C12orf54: variants seen among roughly 807,000 people sequenced by gnomAD.
The protein encoded by C12orf54 is chromosome 12 open reading frame 54.
Under a neutral mutation model 26.4 loss-of-function variants are expected in C12orf54, and 24 were observed. The ratio of observed to expected loss-of-function variants is 0.91; its 90% CI spans 0.66 to 1.28. The LOEUF (loss-of-function observed/expected upper bound fraction) is 1.28, where lower values mean the gene tolerates loss of function less well. Among genes scored for constraint, C12orf54 ranks in the 50% most tolerant of loss-of-function variants. C12orf54 has a pLI of 0.00. For missense variants in C12orf54, 154 were observed against 150.9 expected (o/e 1.02, Z -0.11); for synonymous variants, 54 against 47.0 (o/e 1.15, Z -0.61).
chr12:48,424,148 T>C, the C12orf54 span, among the ~76,000 whole-genome samples: 4 of 152,118 alleles, frequency 2.6e-5, no homozygotes, highest in South Asian at 2.1e-4. Context: ...TGAATTACAT[T>C]GTGTGATTTT....
At chr12:48,430,544 G>A in the C12orf54 span, among the ~76,000 whole-genome samples, 2 of 152,104 alleles carry the variant, frequency 1.3e-5, no homozygotes, top group African/African-American at 2.4e-5. Flanking sequence ...AAAAACATAT[G>A]AAAATAATGC....
At chr12:48,490,489 C>T (rs1937764057) in intron 5 of C12orf54, among the ~76,000 whole-genome samples, 1 of 152,096 alleles carries the variant, frequency 6.6e-6, no homozygotes, top group Admixed American at 6.5e-5. Flanking sequence ...CCCATCTCTA[C>T]TAAAAATGCA....
intron 7 of C12orf54, among the ~76,000 whole-genome samples, chr12:48,494,084 T>C (rs1937856432): frequency 9.3e-6 from 1 of 107,614 alleles, no homozygotes; most frequent in Admixed American, 1.1e-4. Context: ...CTGGGCGTGG[T>C]GGCAGGTGCC....
chr12:48,432,870 C>CA, the C12orf54 span, among the ~76,000 whole-genome samples: 51,927 of 114,992 alleles, frequency 0.45, 11,030 homozygotes, highest in Middle Eastern at 0.62. Flanking sequence ...ACTTTTTCTA[C>CA]AAAAAAAAAA....
upstream of C12orf54, among the ~76,000 whole-genome samples, chr12:48,481,494 T>A (rs144202385): frequency 1.2e-3 from 180 of 152,144 alleles, no homozygotes; most frequent in African/African-American, 4.0e-3. Context: ...GCAGAGAGGG[T>A]CCATGGTGGT....
chr12:48,461,684 G>C, the C12orf54 span, among the ~76,000 whole-genome samples: 1 of 151,706 alleles, frequency 6.6e-6, no homozygotes, highest in South Asian at 2.1e-4. Flanking sequence ...TTTTGAACTA[G>C]ATACAAATGG....
chr12:48,455,319 T>C, the C12orf54 span, among the ~76,000 whole-genome samples: 2 of 152,376 alleles, frequency 1.3e-5, no homozygotes, highest in East Asian at 3.9e-4. Flanking sequence ...GGTGTATATA[T>C]ACCACATTTT....
chr12:48,458,469 C>T, the C12orf54 span, among the ~76,000 whole-genome samples: 1 of 152,072 alleles, frequency 6.6e-6, no homozygotes, highest in Non-Finnish European at 1.5e-5. Flanking sequence ...TTTTAACAAC[C>T]ACCTCTCTGT....
chr12:48,483,337 A>C lies in C12orf54; in HGVS notation c.41A>C (p.Glu14Ala). The stretch of plus-strand genomic sequence containing the variant: ...TGCCAGGATCAGGAACAAAAGGTAG[A>C]AATGACCTCCAAGCAGCAGAGAAGG... ...HPCQDQEQKV[E>A]MTSKQQRSTS... The change falls in exon 2 of 9, where the codon GAA (glutamate) becomes GCA (alanine). Residue 14 changes from glutamate to alanine, a missense_variant. Physicochemically the swap from Glu to Ala is moderately radical, Grantham distance 107 (BLOSUM62 -1). Transcript: ENST00000548364. 1 of 1,613,978 alleles carries C rather than the reference A, an allele frequency of 6.2e-7. No individual in the cohort carries two copies. The highest frequency in any genetic ancestry group is 1.1e-5 in the South Asian group (1 of 91,070).
chr12:48,421,095 T>G, the C12orf54 span, among the ~76,000 whole-genome samples: 22 of 152,202 alleles, frequency 1.4e-4, no homozygotes, highest in Non-Finnish European at 2.9e-4. Context: ...TGTCTGTATG[T>G]CATATTAGTC....
the C12orf54 span, among the ~76,000 whole-genome samples, chr12:48,466,544 TAAA>T: frequency 1.4e-5 from 2 of 147,362 alleles, no homozygotes; most frequent in Admixed American, 6.8e-5. Context: ...AACTTTGCCT[TAAA>T]AAAAAAAAAA....
chr12:48,443,126 A>G, the C12orf54 span, among the ~76,000 whole-genome samples: 2 of 152,314 alleles, frequency 1.3e-5, no homozygotes, highest in South Asian at 2.1e-4. Context: ...ACCTGTGATC[A>G]TCTTTTCTGC....
the C12orf54 span, among the ~76,000 whole-genome samples, chr12:48,472,158 G>A: frequency 6.6e-6 from 1 of 152,174 alleles, no homozygotes; most frequent in Non-Finnish European, 1.5e-5. Flanking sequence ...TACTATTGGT[G>A]TATAGAAATG....
chr12:48,479,990 T>A (rs1954181975), upstream of C12orf54, among the ~76,000 whole-genome samples: 1 of 152,050 alleles, frequency 6.6e-6, no homozygotes, highest in South Asian at 2.1e-4. Context: ...CCTGATAGAA[T>A]AGCTTTTCTT....
the C12orf54 span, among the ~76,000 whole-genome samples, chr12:48,421,673 G>A: frequency 1.3e-5 from 2 of 151,984 alleles, no homozygotes; most frequent in South Asian, 4.1e-4. Context: ...GGGGCTATAG[G>A]CGCACGCCAC....
chr12:48,420,199 G>C, the C12orf54 span, among the ~76,000 whole-genome samples: 1 of 152,142 alleles, frequency 6.6e-6, no homozygotes, highest in African/African-American at 2.4e-5. Flanking sequence ...TACCCAGTGG[G>C]TGGGCAGCTG....
chr12:48,420,197 G>T, the C12orf54 span, among the ~76,000 whole-genome samples: 1 of 152,120 alleles, frequency 6.6e-6, no homozygotes, highest in Non-Finnish European at 1.5e-5. Flanking sequence ...AATACCCAGT[G>T]GGTGGGCAGC....
At chr12:48,475,818 C>T in the C12orf54 span, among the ~76,000 whole-genome samples, 1 of 152,362 alleles carries the variant, frequency 6.6e-6, no homozygotes, top group Non-Finnish European at 1.5e-5. Context: ...TTGGAAAACA[C>T]TCTGCAGGAT....
At chr12:48,470,355 TG>T in the C12orf54 span, among the ~76,000 whole-genome samples, 1 of 152,232 alleles carries the variant, frequency 6.6e-6, no homozygotes, top group African/African-American at 2.4e-5. Context: ...CACCAACATC[TG>T]TTATTTTTTT....
Sources: gnomAD v4.1 joint callset for allele counts (sites outside exome capture counted in the v4.1 genomes callset) on GRCh38, gnomAD v4.1.1 for gene constraint, MANE v1.5 for transcripts, NCBI Gene and HGNC (gene_info 2026-07-23, HGNC 2026-07-21) for gene names.